The following SYT2 variants were observed in gnomAD, a reference collection of about 807,000 sequenced individuals.
SYT2 encodes synaptotagmin 2.
SYT2 carries 15 observed loss-of-function variants against 39.9 expected under a neutral mutation model. That is an observed-to-expected ratio of 0.38 (90% CI 0.25 to 0.58). The LOEUF (loss-of-function observed/expected upper bound fraction) is 0.58. SYT2 is among the 20% of genes least tolerant of loss of function. The probability of loss-of-function intolerance (pLI) is 0.70; values close to 1 mark genes in which losing one functional copy is unlikely to be tolerated. For synonymous variants in SYT2, 181 were observed against 204.5 expected, an observed-to-expected ratio of 0.89 and a Z score of 0.98; for missense variants, 389 against 530.3, an observed-to-expected ratio of 0.73 and a Z score of 2.62.
At chr1:202,629,012 G>A (rs1691495437) in intron 1 of SYT2, among the ~76,000 whole-genome samples, 1 of 152,238 alleles carries the variant, frequency 6.6e-6, no homozygotes, top group Admixed American at 6.5e-5. Flanking sequence ...TGTAAAGCAT[G>A]GTATTATGGC....
At chr1:202,680,747 T>C (rs935739148) in intron 1 of SYT2, among the ~76,000 whole-genome samples, 3 of 152,158 alleles carry the variant, frequency 2.0e-5, no homozygotes, top group Non-Finnish European at 4.4e-5. Context: ...TTGAAGCCCT[T>C]GCCCCTATCC....
At chr1:202,691,076 C>T (rs953732916) in intron 1 of SYT2, among the ~76,000 whole-genome samples, 1 of 152,178 alleles carries the variant, frequency 6.6e-6, no homozygotes, top group South Asian at 2.1e-4. Flanking sequence ...CCCTCCGCCC[C>T]CTAAGAAATG....
At chr1:202,708,001 T>C (rs1024819543) in intron 1 of SYT2, among the ~76,000 whole-genome samples, 1 of 152,172 alleles carries the variant, frequency 6.6e-6, no homozygotes, top group African/African-American at 2.4e-5. Context: ...TGAGGGCAGG[T>C]GAGCCCAGAC....
chr1:202,619,789 G>C (rs1380404659), intron 1 of SYT2, among the ~76,000 whole-genome samples: 3 of 152,248 alleles, frequency 2.0e-5, no homozygotes, highest in African/African-American at 7.2e-5. Flanking sequence ...GAGGGCATCA[G>C]AGCAGGGCAG....
chr1:202,659,828 C>T (rs1196989264), intron 1 of SYT2, among the ~76,000 whole-genome samples: 1 of 152,118 alleles, frequency 6.6e-6, no homozygotes, highest in African/African-American at 2.4e-5. Flanking sequence ...GCCCATCTGT[C>T]GAGCAGGTGA....
chr1:202,706,794 A>G (rs1366557510), intron 1 of SYT2, among the ~76,000 whole-genome samples: 1 of 152,174 alleles, frequency 6.6e-6, no homozygotes, highest in African/African-American at 2.4e-5. Context: ...TTGCCTATGG[A>G]TGGATTATTC....
At chr1:202,647,258 G>C (rs1187910084) in intron 1 of SYT2, among the ~76,000 whole-genome samples, 1 of 152,192 alleles carries the variant, frequency 6.6e-6, no homozygotes, top group Non-Finnish European at 1.5e-5. Context: ...GGAACTCTGG[G>C]CTCTAAGCTA....
rs182461861 is a variant in SYT2, at chr1:202,638,464, C to A, written c.-17-32675G>T. Among the ~76,000 whole-genome samples the A allele has an allele frequency of 7.9e-5, 12 of 152,358 alleles. No individual in the cohort carries two copies. The East Asian group carries it at 9.7e-4, about 12-fold the overall frequency. ...TTCTGCAGGCTCTGCCTGAGAGACC[C>A]GCTCAATGGGCCATCTGCTCGGAGG... On this transcript the variant is annotated intron_variant, in intron 1 of 8. Coordinates refer to ENST00000367268, the MANE Select transcript of SYT2 (RefSeq NM_177402.5).
rs1251152820 is a variant in SYT2 at position 202,613,067 on chromosome 1, CCTTTT to C, written c.-17-7283_-17-7279del. 8.7e-3 allele frequency among the ~76,000 whole-genome samples: 1,060 copies of C among 121,578 alleles called. 61 individuals are homozygous for C. Among genetic ancestry groups the C allele is most frequent in the Non-Finnish European group, 0.013 (749 of 59,894 alleles). The allele number at this position is 121,578 out of a possible 152,430, so 79.8% of individuals were successfully genotyped here. A position where few individuals can be genotyped will look rare whatever the true frequency, so the allele number is the denominator to read the frequency against. ...CACATTGCCGAACTCATTGGTTCTT[CCTTTT>C]TTTTTTTTTTTTTTTTTTTTTTTTT... On this transcript the variant is annotated intron_variant, in intron 1 of 8. Transcript: ENST00000367268.
intron 1 of SYT2, chr1:202,630,285 G>T: frequency 1.4e-6 from 1 of 725,760 alleles, no homozygotes; most frequent in Non-Finnish European, 1.7e-6. Flanking sequence ...CTGACCCCTG[G>T]CTCCCACACA....
At chr1:202,648,787 T>G (rs774122333) in intron 1 of SYT2, among the ~76,000 whole-genome samples, 12 of 152,160 alleles carry the variant, frequency 7.9e-5, no homozygotes, top group Non-Finnish European at 1.8e-4. Flanking sequence ...TAGGGGTTAT[T>G]GCCAAAAAGA....
intron 1 of SYT2, among the ~76,000 whole-genome samples, chr1:202,611,682 T>C (rs1357771103): frequency 1.3e-5 from 2 of 152,192 alleles, no homozygotes; most frequent in Non-Finnish European, 2.9e-5. Flanking sequence ...ATGGTGTCCT[T>C]TGAAGCAAAA....
At chr1:202,666,994 C>T (rs747520410) in intron 1 of SYT2, among the ~76,000 whole-genome samples, 3 of 151,996 alleles carry the variant, frequency 2.0e-5, no homozygotes, top group Non-Finnish European at 4.4e-5. Flanking sequence ...AAAAACAAAA[C>T]GTACAAAACA....
chr1:202,685,202 C>G, intron 1 of SYT2, among the ~76,000 whole-genome samples: 1 of 152,302 alleles, frequency 6.6e-6, no homozygotes, highest in African/African-American at 2.4e-5. Context: ...ATTTCCCACT[C>G]ACCTGGCTGG....
intron 1 of SYT2, among the ~76,000 whole-genome samples, chr1:202,644,187 TGGGGAGGGGAGAAA>T (rs1389683507): frequency 2.0e-5 from 3 of 150,844 alleles, no homozygotes; most frequent in Non-Finnish European, 4.4e-5. Flanking sequence ...ACGGGCCACT[TGGGGAGGGGAGAAA>T]GGGCGATGGA....
intron 1 of SYT2, among the ~76,000 whole-genome samples, chr1:202,615,587 T>A (rs1309066641): frequency 2.0e-5 from 3 of 152,158 alleles, no homozygotes; most frequent in African/African-American, 7.2e-5. Flanking sequence ...ACTGATCTAT[T>A]TAAAACCCTC....
At chr1:202,674,222 C>T (rs1235255850) in intron 1 of SYT2, among the ~76,000 whole-genome samples, 3 of 152,164 alleles carry the variant, frequency 2.0e-5, no homozygotes, top group Admixed American at 2.0e-4. Context: ...GTGCCTCAGC[C>T]TCCTGAGTAG....
At chr1:202,649,314 T>A (rs1280271403) in intron 1 of SYT2, among the ~76,000 whole-genome samples, 1 of 152,212 alleles carries the variant, frequency 6.6e-6, no homozygotes, top group African/African-American at 2.4e-5. Context: ...GAGGCAAGAT[T>A]TCCTGCAAGA....
chr1:202,606,394 G>A (rs540898596), intron 1 of SYT2, among the ~76,000 whole-genome samples: 1 of 152,114 alleles, frequency 6.6e-6, no homozygotes, highest in South Asian at 2.1e-4. Context: ...TTACACTGAG[G>A]GCTCCTCTTT....
Sources: gnomAD v4.1 joint callset for allele counts (sites outside exome capture counted in the v4.1 genomes callset) on GRCh38, gnomAD v4.1.1 for gene constraint, MANE v1.5 for transcripts, NCBI Gene and HGNC (gene_info 2026-07-23, HGNC 2026-07-21) for gene names.